CNTNAP2: variants seen among roughly 807,000 people sequenced by gnomAD.
CNTNAP2 encodes contactin associated protein 2.
A neutral mutation model predicts 155.2 loss-of-function variants in CNTNAP2; 98 were observed. The observed-to-expected ratio is 0.63, with a 90% CI of 0.54 to 0.75. The LOEUF is 0.75. Ranked by LOEUF, CNTNAP2 falls within the 30% of genes least tolerant of loss-of-function variation. The pLI is 0.00. For missense variants in CNTNAP2, 1,727 were observed against 1,688.1 expected, an observed-to-expected ratio of 1.02 and a Z score of -0.40; for synonymous variants, 651 against 631.2, an observed-to-expected ratio of 1.03 and a Z score of -0.47.
chr7:147,126,609 G>T (rs767327002), intron 6 of CNTNAP2, among the ~76,000 whole-genome samples: 7 of 152,138 alleles, frequency 4.6e-5, no homozygotes, highest in Non-Finnish European at 1.0e-4. Flanking sequence ...AAATAGCTGG[G>T]ATTACAGGCA....
At position 148,415,698 on chromosome 7, in the gene CNTNAP2, T is replaced by C; in HGVS notation, c.*82T>C. The C allele has an allele frequency of 6.7e-7, 1 of 1,487,824 alleles. No individual in the cohort carries two copies. The highest frequency in any genetic ancestry group is 9.3e-7 in the Non-Finnish European group (1 of 1,073,388). The allele number at this position is 1,487,824 out of a possible 1,614,324, so 92.2% of individuals were successfully genotyped here. A position where few individuals can be genotyped will look rare whatever the true frequency, so the allele number is the denominator to read the frequency against. On this transcript the variant is annotated 3_prime_UTR_variant, in exon 24 of 24. Transcript: ENST00000361727. ...GGGACAAAAGCACCCTGCTTCATAC[T>C]CTTGAGCACATCCTTAAAATATCAG...
intron 1 of CNTNAP2, among the ~76,000 whole-genome samples, chr7:146,418,446 T>C (rs376359783): frequency 1.1e-4 from 17 of 152,284 alleles, no homozygotes; most frequent in Admixed American, 7.9e-4. Flanking sequence ...TGTACTTCTT[T>C]TGCAAAGTTT....
At chr7:146,926,375 G>C (rs1457279623) in intron 3 of CNTNAP2, among the ~76,000 whole-genome samples, 1 of 152,040 alleles carries the variant, frequency 6.6e-6, no homozygotes, top group Non-Finnish European at 1.5e-5. Flanking sequence ...ACTTTGTGTA[G>C]AAAAATTTCC....
At chr7:147,786,771 C>T (rs745419808) in intron 13 of CNTNAP2, among the ~76,000 whole-genome samples, 1 of 152,160 alleles carries the variant, frequency 6.6e-6, no homozygotes, top group South Asian at 2.1e-4. Flanking sequence ...AGTTCAAGAC[C>T]AGCCTGGGCC....
intron 10 of CNTNAP2, among the ~76,000 whole-genome samples, chr7:147,446,103 C>T (rs1797732947): frequency 6.6e-6 from 1 of 151,258 alleles, no homozygotes; most frequent in Non-Finnish European, 1.5e-5. Context: ...GGGCAAGACA[C>T]ACTTGCTCTT....
intron 1 of CNTNAP2, among the ~76,000 whole-genome samples, chr7:146,660,878 G>GT (rs1182577758): frequency 6.6e-6 from 1 of 152,104 alleles, no homozygotes; most frequent in Non-Finnish European, 1.5e-5. Context: ...ACCTTTCCTT[G>GT]TATTCCGTGG....
At chr7:147,475,699 G>T (rs956488126) in intron 10 of CNTNAP2, among the ~76,000 whole-genome samples, 1 of 151,748 alleles carries the variant, frequency 6.6e-6, no homozygotes, top group African/African-American at 2.4e-5. Context: ...CATTAGAAAG[G>T]CCCTCTATAT....
At chr7:147,060,955 C>A (rs1230123542) in intron 4 of CNTNAP2, among the ~76,000 whole-genome samples, 2 of 152,142 alleles carry the variant, frequency 1.3e-5, no homozygotes, top group Admixed American at 6.6e-5. Flanking sequence ...TTATGGATAA[C>A]CTTTTTTATG....
chr7:147,665,654 G>GTGT (rs557122171), intron 13 of CNTNAP2, among the ~76,000 whole-genome samples: 2,541 of 152,148 alleles, frequency 0.017, 223 homozygotes, highest in Admixed American at 0.15. Flanking sequence ...GCCCCAGTGT[G>GTGT]TGTTTCCCTC....
At chr7:146,175,654 T>A (rs1798459430) in intron 1 of CNTNAP2, among the ~76,000 whole-genome samples, 1 of 152,244 alleles carries the variant, frequency 6.6e-6, no homozygotes, top group Non-Finnish European at 1.5e-5. Flanking sequence ...AGAGACTTTC[T>A]GGATAAAATG....
intron 3 of CNTNAP2, among the ~76,000 whole-genome samples, chr7:146,842,910 C>T (rs1232660425): frequency 1.3e-5 from 2 of 149,408 alleles, no homozygotes; most frequent in Admixed American, 1.3e-4. Flanking sequence ...TGGTCTCCAT[C>T]TCCTGACCTT....
chr7:148,025,814 A>T (rs1802364803), intron 15 of CNTNAP2, among the ~76,000 whole-genome samples: 1 of 152,224 alleles, frequency 6.6e-6, no homozygotes, highest in Admixed American at 6.5e-5. Flanking sequence ...GAATGAAAAA[A>T]TTATCCATAA....
At chr7:146,347,547 A>G (rs1215798468) in intron 1 of CNTNAP2, among the ~76,000 whole-genome samples, 4 of 152,150 alleles carry the variant, frequency 2.6e-5, no homozygotes, top group Admixed American at 2.6e-4. Flanking sequence ...TAAATTTCTC[A>G]GTCAGCATTG....
chr7:148,333,235 C>A (rs1453278511), intron 21 of CNTNAP2, among the ~76,000 whole-genome samples: 1 of 152,158 alleles, frequency 6.6e-6, no homozygotes, highest in Non-Finnish European at 1.5e-5. Flanking sequence ...CGAGACCAGC[C>A]TGGCCGACAT....
At chr7:147,826,434 T>C (rs1798451214) in intron 13 of CNTNAP2, among the ~76,000 whole-genome samples, 8 of 152,216 alleles carry the variant, frequency 5.3e-5, no homozygotes, top group Admixed American at 5.2e-4. Flanking sequence ...ACTTAAAGAT[T>C]GGCTTATGTC....
At chr7:146,504,292 G>C (rs62483356) in intron 1 of CNTNAP2, among the ~76,000 whole-genome samples, 31,010 of 152,198 alleles carry the variant, frequency 0.2, 3,835 homozygotes, top group East Asian at 0.45. Context: ...ATGATTATTA[G>C]GGTCCAGCAT....
In CNTNAP2 at chr7:147,132,281, G is replaced by A; in HGVS notation, c.1120G>A (p.Val374Met). Residue 374 changes from valine to methionine, a missense_variant, in exon 8 of 24, where the codon GTG becomes ATG. Val to Met is a conservative substitution (Grantham distance 21). Transcript: ENST00000361727. ...LSFSCVEPYTVPVFFNATSYL... is the reference protein window; with the variant it reads ...LSFSCVEPYTMPVFFNATSYL... ...CTTTTCTTGTGTGGAACCCTATACG[G>A]TGCCTGTCTTTTTCAACGCTACAAG... 6.2e-7 allele frequency: 1 copy of A among 1,613,656 alleles called. No homozygotes were observed. The highest frequency in any genetic ancestry group is 1.7e-5 in the Admixed American group (1 of 59,960).
chr7:148,068,759 A>G (rs2116525405), intron 15 of CNTNAP2, among the ~76,000 whole-genome samples: 1 of 152,296 alleles, frequency 6.6e-6, no homozygotes, highest in African/African-American at 2.4e-5. Context: ...ACTGGTGGGA[A>G]CATGAATTAT....
intron 13 of CNTNAP2, chr7:147,673,269 A>C (rs1238577690): frequency 1.3e-5 from 2 of 152,210 alleles, no homozygotes; most frequent in Non-Finnish European, 2.9e-5. Flanking sequence ...GGAAGGAAAA[A>C]ACGAAGTTGT....
Sources: allele counts gnomAD v4.1 joint callset (sites outside exome capture counted in the v4.1 genomes callset), GRCh38; gene constraint gnomAD v4.1.1; transcripts MANE v1.5; gene names NCBI Gene and HGNC (gene_info 2026-07-23, HGNC 2026-07-21).